GRIP2: variants seen among roughly 807,000 people sequenced by gnomAD.
GRIP2 encodes the protein glutamate receptor interacting protein 2, also known as glutamate receptor-interacting protein 2.
GRIP2 carries 58 observed loss-of-function variants against 108.3 expected under a neutral mutation model. That is an observed-to-expected ratio of 0.54 (90% CI 0.43 to 0.67). GRIP2 has a LOEUF of 0.67. GRIP2 is among the 30% of genes least tolerant of loss of function. GRIP2 has a pLI of 0.00. For synonymous variants in GRIP2, 586 were observed against 598.2 expected (o/e 0.98, Z 0.30); for missense variants, 1,278 against 1,430.6 (o/e 0.89, Z 1.72).
chr3:14,578,283 C>A, the GRIP2 span, among the ~76,000 whole-genome samples: 1 of 152,170 alleles, frequency 6.6e-6, no homozygotes, highest in Non-Finnish European at 1.5e-5. Flanking sequence ...TACACCACCA[C>A]CAGCTAGTGA....
intron 16 of GRIP2, among the ~76,000 whole-genome samples, chr3:14,510,258 G>T (rs9809131): frequency 0.025 from 2,280 of 92,220 alleles, 33 homozygotes; most frequent in Non-Finnish European, 0.033. Context: ...ATCATCCGTT[G>T]TTTTTTTTTT....
chr3:14,578,607 C>G, the GRIP2 span, among the ~76,000 whole-genome samples: 1 of 151,950 alleles, frequency 6.6e-6, no homozygotes, highest in Non-Finnish European at 1.5e-5. Context: ...ATCCCAGCTA[C>G]TCGGGAGGCT....
chr3:14,519,205 C>T (rs1251607498), intron 9 of GRIP2, among the ~76,000 whole-genome samples: 1 of 152,194 alleles, frequency 6.6e-6, no homozygotes, highest in Non-Finnish European at 1.5e-5. Context: ...GTGGCTTTTT[C>T]AGAAGCTGGC....
At chr3:14,595,019 C>T in the GRIP2 span, among the ~76,000 whole-genome samples, 1 of 152,184 alleles carries the variant, frequency 6.6e-6, no homozygotes, top group Non-Finnish European at 1.5e-5. Flanking sequence ...ACCTCAGCCT[C>T]CCGAGTAGCT....
In GRIP2 at chr3:14,514,976, T is replaced by A. The variant is rs552032615; in HGVS notation, c.1307-498A>T. Reference sequence around the variant, plus strand: ...TCATCACCTCCAGAAGAAACCCTGTTCCCTTCAGCCATCCCCAAAGATCTT... The same window carrying A: ...TCATCACCTCCAGAAGAAACCCTGTACCCTTCAGCCATCCCCAAAGATCTT... On this transcript the variant is annotated intron_variant, in intron 11 of 23. Coordinates refer to ENST00000621039, the MANE Select transcript of GRIP2 (RefSeq NM_001080423.4). 6.6e-5 allele frequency among the ~76,000 whole-genome samples: 10 copies of A among 152,290 alleles called. No individual in the cohort carries two copies. In the East Asian group the frequency reaches 1.5e-3, roughly 23 times the overall value.
the GRIP2 span, among the ~76,000 whole-genome samples, chr3:14,564,480 A>C: frequency 0.66 from 100,329 of 152,144 alleles, 33,374 homozygotes; most frequent in Middle Eastern, 0.73. Flanking sequence ...GAGGGGGTTC[A>C]GAGTCAAACA....
intron 11 of GRIP2, among the ~76,000 whole-genome samples, chr3:14,516,800 A>T (rs898750026): frequency 4.6e-5 from 7 of 152,178 alleles, no homozygotes; most frequent in Admixed American, 3.3e-4. Context: ...GTTATCACCA[A>T]ATCCTAGGAA....
In GRIP2 at chr3:14,520,453, G is replaced by T; in HGVS notation, c.797C>A (p.Thr266Asn). ...AATGACTGACTTGTTCCGGAGGGAG[G>T]TGGTGGTGAGCGAGATCCCCAGGGC... ...GSALGISLTT[T>N]SLRNKSVITI... is the part of the protein sequence containing the mutation. Residue 266 changes from threonine (T) to asparagine (N), a missense_variant, in exon 8 of 24, where the codon ACC (threonine) becomes AAC (asparagine). Coordinates refer to ENST00000621039, the MANE Select transcript of GRIP2 (RefSeq NM_001080423.4). 6.2e-7 allele frequency: 1 copy of T among 1,613,906 alleles called. No individual in the cohort carries two copies. Among genetic ancestry groups the T allele is most frequent in the South Asian group, 1.1e-5 (1 of 91,042 alleles).
At position 14,525,520 on chromosome 3, in the gene GRIP2, C is replaced by A. The variant is rs760324549; in HGVS notation, c.174G>T (p.Thr58=). 5.0e-6 allele frequency: 8 copies of A among 1,613,832 alleles called. No individual in the cohort carries two copies. In the East Asian group the frequency reaches 1.6e-4, roughly 31 times the overall value. The change falls in exon 3 of 24, where the codon ACG becomes ACT. Residue 58 remains threonine, a synonymous_variant. Transcript: ENST00000621039. The stretch of plus-strand genomic sequence containing the variant: ...TGCCACCTGAGATAGTCAGGCCCAG[C>A]GTGCTGCCTTCTTTCTTGATCAGCT... The part of the protein sequence containing the change: ...VVELIKKEGS[T]LGLTISGGTD...
rs1249509400 is a variant in GRIP2 at position 14,526,012 on chromosome 3, ACT to A, written c.41-83_41-82del. 5 of 1,267,796 alleles carry A rather than the reference ACT, an allele frequency of 3.9e-6. No individual in the cohort carries two copies. In the East Asian group the frequency reaches 1.3e-4, roughly 32 times the overall value. The allele number at this position is 1,267,796 out of a possible 1,614,324, so 78.5% of individuals were successfully genotyped here. A position where few individuals can be genotyped will look rare whatever the true frequency, so the allele number is the denominator to read the frequency against. On this transcript the variant is annotated intron_variant, in intron 1 of 23. Coordinates refer to ENST00000621039, the MANE Select transcript of GRIP2 (RefSeq NM_001080423.4). Reference sequence around the variant, plus strand: ...ACCTCTTCTGCTTTGGGAATTTTCCACTCTGTGGACGTGGCCTGTAAGATGGG... The same window carrying A: ...ACCTCTTCTGCTTTGGGAATTTTCCACTGTGGACGTGGCCTGTAAGATGGG...
chr3:14,532,682 T>C (rs921588430), intron 1 of GRIP2, among the ~76,000 whole-genome samples: 6 of 152,048 alleles, frequency 3.9e-5, no homozygotes, highest in Middle Eastern at 3.4e-3. Context: ...GGGTTCAACC[T>C]GGGTCTGGGC....
intron 1 of GRIP2, among the ~76,000 whole-genome samples, chr3:14,552,996 C>T (rs575284625): frequency 1.3e-4 from 20 of 152,288 alleles, no homozygotes; most frequent in African/African-American, 4.8e-4. Context: ...AGCTCTACAG[C>T]CTTTCACCTC....
chr3:14,501,900 C>A (rs1693776861), intron 21 of GRIP2, among the ~76,000 whole-genome samples: 1 of 151,864 alleles, frequency 6.6e-6, no homozygotes, highest in Non-Finnish European at 1.5e-5. Flanking sequence ...AATTTAAAAT[C>A]TCCAAATTGG....
At chr3:14,526,449 CT>C (rs1257138867) in intron 1 of GRIP2, among the ~76,000 whole-genome samples, 1 of 152,226 alleles carries the variant, frequency 6.6e-6, no homozygotes, top group Non-Finnish European at 1.5e-5. Flanking sequence ...GAAACTCAAT[CT>C]TGGGTGGACC....
upstream of GRIP2, among the ~76,000 whole-genome samples, chr3:14,544,778 A>C (rs988554638): frequency 3.3e-5 from 5 of 152,222 alleles, no homozygotes; most frequent in African/African-American, 1.2e-4. Flanking sequence ...TCAGCCAGGT[A>C]GGCATTATCG....
At chr3:14,578,718 G>GAAA in the GRIP2 span, among the ~76,000 whole-genome samples, 1 of 130,024 alleles carries the variant, frequency 7.7e-6, no homozygotes, top group Non-Finnish European at 1.7e-5. Flanking sequence ...CTCCATCTCA[G>GAAA]AAAAAAAAAA....
At chr3:14,515,584 A>G (rs1169987200) in intron 11 of GRIP2, among the ~76,000 whole-genome samples, 1 of 152,048 alleles carries the variant, frequency 6.6e-6, no homozygotes, top group African/African-American at 2.4e-5. Flanking sequence ...TATATTATAC[A>G]TTACAAAATG....
At chr3:14,540,395 G>T (rs755505700), upstream of GRIP2, 3 of 1,609,060 alleles carry the variant, frequency 1.9e-6, no homozygotes, top group Non-Finnish European at 2.5e-6. The surrounding 1 kb of genome is among the most constrained non-coding windows in gnomAD (Gnocchi z 4.1). Flanking sequence ...GAGGGGCTGT[G>T]GGAGGGAAGC....
chr3:14,557,501 AGCTAG>A (rs1695257067), upstream of GRIP2, among the ~76,000 whole-genome samples: 2 of 152,252 alleles, frequency 1.3e-5, no homozygotes, highest in Non-Finnish European at 2.9e-5. Flanking sequence ...GGGGCAACTC[AGCTAG>A]GCTGGAGGTT....
Sources: gnomAD v4.1 joint callset for allele counts (sites outside exome capture counted in the v4.1 genomes callset) on GRCh38, gnomAD v4.1.1 for gene constraint, Gnocchi (gnomAD v3.1) non-coding constraint, MANE v1.5 for transcripts, NCBI Gene and HGNC (gene_info 2026-07-23, HGNC 2026-07-21) for gene names.